Variants in AADACL4 observed in about 807,000 individuals in gnomAD.
AADACL4 encodes the protein arylacetamide deacetylase-like 4.
AADACL4 carries 9 observed loss-of-function variants against 14.1 expected under a neutral mutation model. That is an observed-to-expected ratio of 0.64 (90% CI 0.39 to 1.12). AADACL4 has a LOEUF of 1.12. AADACL4 is among the 50% of genes most tolerant of loss of function. The probability of loss-of-function intolerance (pLI) is 0.01; values close to 1 mark genes in which losing one functional copy is unlikely to be tolerated. For missense variants in AADACL4, 531 were observed against 516.1 expected, an observed-to-expected ratio of 1.03 and a Z score of -0.28; for synonymous variants, 188 against 201.6, an observed-to-expected ratio of 0.93 and a Z score of 0.57.
At chr1:12,656,512 G>C (rs1304916184) in intron 2 of AADACL4, among the ~76,000 whole-genome samples, 5 of 152,198 alleles carry the variant, frequency 3.3e-5, no homozygotes. Context: ...CCAAAAAATA[G>C]GGACCTTGAA....
At chr1:12,655,447 T>C (rs1647175391) in intron 2 of AADACL4, among the ~76,000 whole-genome samples, 2 of 151,888 alleles carry the variant, frequency 1.3e-5, no homozygotes, top group Admixed American at 1.3e-4. Context: ...GGGTGTCCCC[T>C]GCCTTCAGAG....
intron 2 of AADACL4, among the ~76,000 whole-genome samples, chr1:12,653,477 C>T (rs913389545): frequency 1.3e-5 from 2 of 152,150 alleles, no homozygotes; most frequent in East Asian, 1.9e-4. Context: ...ATTATACAGC[C>T]GGATAGCCTG....
At chr1:12,654,122 G>T (rs765647230) in intron 2 of AADACL4, among the ~76,000 whole-genome samples, 4 of 152,182 alleles carry the variant, frequency 2.6e-5, no homozygotes, top group Non-Finnish European at 4.4e-5. Flanking sequence ...CCATCCATAA[G>T]ATCTAATACC....
At chr1:12,662,791 G>T (rs1647250312) in intron 3 of AADACL4, among the ~76,000 whole-genome samples, 1 of 152,204 alleles carries the variant, frequency 6.6e-6, no homozygotes, top group East Asian at 1.9e-4. Flanking sequence ...GGTCCTCTCT[G>T]ATGAGATTGA....
chr1:12,667,012 G>A lies in AADACL4; in HGVS notation c.*277G>A. The stretch of plus-strand genomic sequence containing the variant: ...ATAAATATCAAAAGGAGAAAAAAAT[G>A]CCTTTAAAAATTTCTCAAAGCCCCA... On this transcript the variant is annotated 3_prime_UTR_variant, in exon 4 of 4. Coordinates refer to ENST00000376221, the MANE Select transcript of AADACL4 (RefSeq NM_001013630.2). 1 of 464,786 alleles carries A rather than the reference G, an allele frequency of 2.2e-6. No individual in the cohort carries two copies. The highest frequency in any genetic ancestry group is 3.7e-6 in the Non-Finnish European group (1 of 266,766). The allele number at this position is 464,786 out of a possible 1,614,324, so 28.8% of individuals were successfully genotyped here. A position where few individuals can be genotyped will look rare whatever the true frequency, so the allele number is the denominator to read the frequency against.
rs1647195059 is a variant in AADACL4 at position 12,658,104 on chromosome 1, T to TTCC, written c.386-3686_386-3685insCCT. ...TTCTTTCTTTCTCTTTCTTTCTCTC[T>TTCC]TTCTTTCCTTCCTTCCTTCCTTCCT... is the stretch of plus-strand genomic sequence containing the variant. On this transcript the variant is annotated intron_variant, in intron 2 of 3. Transcript: ENST00000376221. Among the ~76,000 whole-genome samples, 194 of 90,412 alleles carry TTCC rather than the reference T, an allele frequency of 2.1e-3. 4 individuals are homozygous for TTCC. Among genetic ancestry groups the TTCC allele is most frequent in the African/African-American group, 0.011 (188 of 17,896 alleles). 59.3% of individuals were successfully genotyped at this position (90,412 alleles called of 152,430 possible).
In AADACL4 at chr1:12,644,545, A is replaced by G. The variant is rs549548596; in HGVS notation, c.-2A>G. On this transcript the variant is annotated 5_prime_UTR_variant, in exon 1 of 4. Transcript: ENST00000376221. ...GCAGCAGCTCCTCAAGGCCCCAGGA[A>G]CATGGCTGTCCCCTGGCTAGTGCTA... The G allele has an allele frequency of 1.2e-6, 2 of 1,613,752 alleles. No homozygotes were observed. Among genetic ancestry groups the G allele is most frequent in the Admixed American group, 3.3e-5 (2 of 59,998 alleles).
rs752536575 is a variant in AADACL4 at position 12,666,081 on chromosome 1, T to C, written c.570T>C (p.Cys190=). ...TGGACCCCTCCAGGGTTGTGGTCTGTGGAGAAAGCGTCGGAGGTGCAGCGG... is the reference window on the plus strand; with the variant it reads ...TGGACCCCTCCAGGGTTGTGGTCTGCGGAGAAAGCGTCGGAGGTGCAGCGG... ...YGVDPSRVVV[C]GESVGGAAVA... is the part of the protein sequence containing the mutation. Residue 190 remains cysteine, a synonymous_variant, in exon 4 of 4, where the codon TGT becomes TGC. Transcript: ENST00000376221. 1.2e-6 allele frequency: 2 copies of C among 1,614,218 alleles called. No homozygotes were observed. The highest frequency in any genetic ancestry group is 1.7e-6 in the Non-Finnish European group (2 of 1,180,038).
chr1:12,665,983 C>T lies in AADACL4; in HGVS notation c.472C>T (p.His158Tyr). ...MIGYRKLPDH[H>Y]SPALFQDCMN... Reference sequence around the variant, plus strand: ...TAGGTACCGCAAGCTTCCTGACCACCATTCCCCTGCCCTTTTCCAAGACTG... The same window carrying T: ...TAGGTACCGCAAGCTTCCTGACCACTATTCCCCTGCCCTTTTCCAAGACTG... Residue 158 changes from histidine to tyrosine, a missense_variant, in exon 4 of 4, where the codon CAT (histidine) becomes TAT (tyrosine). Transcript: ENST00000376221. 1 of 1,609,842 alleles carries T rather than the reference C, an allele frequency of 6.2e-7. No individual in the cohort carries two copies. Among genetic ancestry groups the T allele is most frequent in the African/African-American group, 1.3e-5 (1 of 74,948 alleles).
At chr1:12,659,340 T>G (rs1425044830) in intron 2 of AADACL4, among the ~76,000 whole-genome samples, 1 of 152,140 alleles carries the variant, frequency 6.6e-6, no homozygotes, top group Non-Finnish European at 1.5e-5. Flanking sequence ...GATTTAGCTC[T>G]TCTCATCAGA....
intron 2 of AADACL4, among the ~76,000 whole-genome samples, chr1:12,660,373 C>T (rs900014587): frequency 6.6e-6 from 1 of 152,110 alleles, no homozygotes; most frequent in Non-Finnish European, 1.5e-5. Flanking sequence ...CTTGATTTTG[C>T]ACCCAAGGCG....
chr1:12,655,066 T>C (rs537570651), intron 2 of AADACL4, among the ~76,000 whole-genome samples: 1 of 152,274 alleles, frequency 6.6e-6, no homozygotes, highest in African/African-American at 2.4e-5. Flanking sequence ...TCATCCGTTG[T>C]TGGGTCAGGG....
intron 2 of AADACL4, among the ~76,000 whole-genome samples, chr1:12,659,268 CACTGAAGTTAT>C (rs1305003607): frequency 6.6e-6 from 1 of 152,178 alleles, no homozygotes; most frequent in Non-Finnish European, 1.5e-5. Context: ...GGGAGCTGGA[CACTGAAGTTAT>C]TGCAGATCAT....
At chr1:12,654,839 C>A (rs1298836249) in intron 2 of AADACL4, among the ~76,000 whole-genome samples, 1 of 151,778 alleles carries the variant, frequency 6.6e-6, no homozygotes. Flanking sequence ...CATTCATGGG[C>A]AAGACGGCCC....
intron 2 of AADACL4, among the ~76,000 whole-genome samples, chr1:12,658,205 C>T (rs929503398): frequency 2.2e-5 from 3 of 137,096 alleles, no homozygotes; most frequent in Admixed American, 1.5e-4. Context: ...TCTTTCTTTT[C>T]CCCTCCCTCT....
intron 2 of AADACL4, among the ~76,000 whole-genome samples, chr1:12,656,025 G>T (rs1204690989): frequency 6.6e-6 from 1 of 152,150 alleles, no homozygotes; most frequent in Non-Finnish European, 1.5e-5. Flanking sequence ...GGGCCAAATG[G>T]TGTTATAGAA....
At position 12,666,565 on chromosome 1, in the gene AADACL4, G is replaced by T. The variant is rs1647338100; in HGVS notation, c.1054G>T (p.Asp352Tyr). 12 of 1,614,110 alleles carry T rather than the reference G, an allele frequency of 7.4e-6. No homozygotes were observed. The highest frequency in any genetic ancestry group is 9.3e-6 in the Non-Finnish European group (11 of 1,180,054). The change falls in exon 4 of 4, where the codon GAC becomes TAC. Residue 352 changes from aspartate (D) to tyrosine (Y), a missense_variant. Physicochemically the swap from Asp to Tyr is radical, Grantham distance 160. Transcript: ENST00000376221. ...VSCENDILRDDSLLYKKRLED... is the reference protein window; with the variant it reads ...VSCENDILRDYSLLYKKRLED... ...CTGTGAGAATGACATACTCCGTGAT[G>T]ACAGCTTGCTCTATAAGAAGCGCTT...
chr1:12,644,918 C>T (rs1159257067), intron 1 of AADACL4, among the ~76,000 whole-genome samples: 1 of 150,140 alleles, frequency 6.7e-6, no homozygotes, highest in Non-Finnish European at 1.5e-5. Context: ...AGCCTGCCTG[C>T]CTTTCTTCCT....
At chr1:12,654,539 C>T (rs1009300181) in intron 2 of AADACL4, among the ~76,000 whole-genome samples, 6 of 152,226 alleles carry the variant, frequency 3.9e-5, no homozygotes, top group East Asian at 1.9e-4. Context: ...CAAGCATTGC[C>T]GATAAGGAGG....
Sources: allele counts gnomAD v4.1 joint callset (sites outside exome capture counted in the v4.1 genomes callset), GRCh38; gene constraint gnomAD v4.1.1; transcripts MANE v1.5; gene names NCBI Gene and HGNC (gene_info 2026-07-23, HGNC 2026-07-21).